SEMA6A: variants seen among roughly 807,000 people sequenced by gnomAD.
SEMA6A encodes semaphorin 6A.
In SEMA6A, 25 loss-of-function variants were observed where a neutral mutation model predicts 96.8. That is an observed-to-expected ratio of 0.26 (90% CI 0.19 to 0.36). The LOEUF is 0.36. SEMA6A is among the 10% of genes least tolerant of loss of function. The pLI is 1.00. For missense variants in SEMA6A, 1,363 were observed against 1,323.1 expected (o/e 1.03, Z -0.47); for synonymous variants, 612 against 518.0 (o/e 1.18, Z -2.46).
chr5:116,483,127 G>A (rs762618435), intron 10 of SEMA6A, among the ~76,000 whole-genome samples: 28 of 152,068 alleles, frequency 1.8e-4, no homozygotes, highest in Non-Finnish European at 1.6e-4. Flanking sequence ...GATTACTTAC[G>A]TAAGACTAAA....
chr5:116,556,010 T>C (rs1168213503), intron 1 of SEMA6A, among the ~76,000 whole-genome samples: 1 of 151,658 alleles, frequency 6.6e-6, no homozygotes, highest in Admixed American at 6.6e-5. Flanking sequence ...GACCTCGGAG[T>C]TTCTTCCTCT....
rs778651788 is a variant in SEMA6A, at chr5:116,446,627, C to T, written c.3079G>A (p.Asp1027Asn). The T allele has an allele frequency of 6.6e-7, 1 of 1,509,260 alleles. No individual in the cohort carries two copies. Among genetic ancestry groups the T allele is most frequent in the Admixed American group, 2.2e-5 (1 of 44,684 alleles). 93.5% of individuals were successfully genotyped at this position (1,509,260 alleles called of 1,614,324 possible). ...APLSTSMKPN[D>N]ACT is the part of the protein sequence containing the mutation. The stretch of plus-strand genomic sequence containing the variant: ...TCCCCCTGGGATTATGTACACGCAT[C>T]ATTGGGCTTCATGGATGTGGAAAGG... The change falls in exon 19 of 19, where the codon GAT (aspartate) becomes AAT (asparagine). Residue 1027 changes from aspartate (D) to asparagine (N), a missense_variant. Physicochemically the swap from Asp to Asn is conservative, Grantham distance 23. Around this residue, in one of 2 missense-constraint regions of SEMA6A, gnomAD observed 883 missense variants for 763.6 expected, o/e 1.16. Transcript: ENST00000343348.
At chr5:116,557,402 G>A (rs10073289) in intron 1 of SEMA6A, among the ~76,000 whole-genome samples, 29,232 of 152,170 alleles carry the variant, frequency 0.19, 2,972 homozygotes, top group African/African-American at 0.24. Context: ...AGTAGAGACG[G>A]GGTTTTGCCA....
Position 116,446,679 on chromosome 5 carries a change from G to A in SEMA6A, c.3027C>T (p.Asp1009=), listed in dbSNP as rs371836193. The part of the protein sequence containing the change: ...GLKRTPSLKP[D]VPPKPSFAPL... The stretch of plus-strand genomic sequence containing the variant: ...GAGCAAAGGATGGTTTGGGGGGTAC[G>A]TCCGGCTTTAGCGAGGGCGTACGCT... Residue 1009 remains aspartate, a synonymous_variant, in exon 19 of 19, where the codon GAC becomes GAT. Transcript: ENST00000343348. The A allele has an allele frequency of 1.9e-6, 3 of 1,564,294 alleles. No homozygotes were observed. Among genetic ancestry groups the A allele is most frequent in the African/African-American group, 1.3e-5 (1 of 74,084 alleles).
At chr5:116,511,545 AACTGC>A (rs1202843093) in intron 1 of SEMA6A, among the ~76,000 whole-genome samples, 1 of 152,074 alleles carries the variant, frequency 6.6e-6, no homozygotes, top group Non-Finnish European at 1.5e-5. Flanking sequence ...CATAAAAGGA[AACTGC>A]ACTTAAGTTC....
At chr5:116,459,139 G>A (rs892382457) in intron 18 of SEMA6A, among the ~76,000 whole-genome samples, 3 of 152,112 alleles carry the variant, frequency 2.0e-5, no homozygotes, top group Non-Finnish European at 4.4e-5. Context: ...ACTAAAGAGA[G>A]GAAGAAGTCC....
intron 1 of SEMA6A, among the ~76,000 whole-genome samples, chr5:116,569,622 G>A (rs1761130213): frequency 6.6e-6 from 1 of 152,196 alleles, no homozygotes; most frequent in Non-Finnish European, 1.5e-5. Flanking sequence ...GAGGACCATG[G>A]CTTGGCCAAT....
In SEMA6A at chr5:116,502,308, C is replaced by T. The variant is rs111683037; in HGVS notation, c.120G>A (p.Val40=). ...SHGNYTKQYP[V]FVGHKPGRNT... is the part of the protein sequence containing the mutation. Reference sequence around the variant, plus strand: ...TCCGTCCTGGCTTGTGGCCCACAAACACCGGATACTGTTTTGTATCTGTGA... The same window carrying T: ...TCCGTCCTGGCTTGTGGCCCACAAATACCGGATACTGTTTTGTATCTGTGA... Residue 40 remains valine, a synonymous_variant, in exon 3 of 19, where the codon GTG becomes GTA. Coordinates refer to ENST00000343348, the MANE Select transcript of SEMA6A (RefSeq NM_020796.5). 1.2e-6 allele frequency: 2 copies of T among 1,613,750 alleles called. No individual in the cohort carries two copies. Among genetic ancestry groups the T allele is most frequent in the African/African-American group, 1.3e-5 (1 of 74,896 alleles).
chr5:116,460,289 C>T (rs1017372837), intron 18 of SEMA6A, among the ~76,000 whole-genome samples: 1 of 152,120 alleles, frequency 6.6e-6, no homozygotes, highest in African/African-American at 2.4e-5. Flanking sequence ...TACTCTTTAT[C>T]ACATTTCAAA....
At chr5:116,529,596 A>T (rs564986486) in intron 1 of SEMA6A, among the ~76,000 whole-genome samples, 5 of 152,208 alleles carry the variant, frequency 3.3e-5, no homozygotes, top group Non-Finnish European at 7.3e-5. Context: ...AGAACATCAG[A>T]AGCAGGATTA....
At chr5:116,523,089 A>G (rs77523855) in intron 1 of SEMA6A, among the ~76,000 whole-genome samples, 6,326 of 152,230 alleles carry the variant, frequency 0.042, 478 homozygotes, top group African/African-American at 0.14. Flanking sequence ...CTTTCTGGGA[A>G]CTGAGCTGCA....
intron 6 of SEMA6A, among the ~76,000 whole-genome samples, chr5:116,494,121 T>TAGG (rs1721415131): frequency 6.6e-6 from 1 of 152,230 alleles, no homozygotes; most frequent in Admixed American, 6.5e-5. Flanking sequence ...TGGTTTTATC[T>TAGG]ATTCTCTTCC....
At chr5:116,467,459 T>C in intron 18 of SEMA6A, 124 bp downstream of exon 18, 1 of 931,890 alleles carries the variant, frequency 1.1e-6, no homozygotes, top group Non-Finnish European at 1.6e-6. Context: ...TTCGAGAAAC[T>C]TTCAATCATA....
chr5:116,529,864 T>C (rs74520524), intron 1 of SEMA6A, among the ~76,000 whole-genome samples: 4,552 of 151,920 alleles, frequency 0.03, 89 homozygotes, highest in Non-Finnish European at 0.046. Flanking sequence ...GGAAGGAGCA[T>C]AGGTTGGAAG....
At chr5:116,550,504 A>G (rs1018166974) in intron 1 of SEMA6A, 1 of 152,200 alleles carries the variant, frequency 6.6e-6, no homozygotes, top group African/African-American at 2.4e-5. Context: ...TACTGAACCA[A>G]TGAGAAGGCA....
chr5:116,572,360 C>A (rs1048207940), intron 1 of SEMA6A, among the ~76,000 whole-genome samples: 1 of 152,216 alleles, frequency 6.6e-6, no homozygotes, highest in East Asian at 1.9e-4. Flanking sequence ...TCCAAAGCAG[C>A]CACCTTTCTC....
Position 116,488,112 on chromosome 5 carries a change from C to T in SEMA6A, c.740G>A (p.Gly247Glu), listed in dbSNP as rs759388280. Residue 247 changes from glycine (G) to glutamate (E), a missense_variant, in exon 9 of 19, where the codon GGA becomes GAA. Physicochemically the swap from Gly to Glu is moderately conservative, Grantham distance 98. This residue lies in a region of SEMA6A where 480 missense variants were observed against 559.5 expected (regional missense o/e 0.86). Transcript: ENST00000343348. ...AAGGACAGCATCCCCTCTTACCTTT[C>T]CCATGGTGTTATACTCCACTGCTAT... ...REIAVEYNTM[G>E]KVVFPRVAQV... 6.2e-7 allele frequency: 1 copy of T among 1,600,300 alleles called. No homozygotes were observed. The highest frequency in any genetic ancestry group is 2.2e-5 in the East Asian group (1 of 44,688).
At chr5:116,573,384 G>C (rs552976580) in intron 1 of SEMA6A, among the ~76,000 whole-genome samples, 1 of 152,038 alleles carries the variant, frequency 6.6e-6, no homozygotes, top group African/African-American at 2.4e-5. Context: ...AAAGGGCTCG[G>C]TGCTTCAGGA....
At chr5:116,486,317 A>C (rs1054959961) in intron 10 of SEMA6A, among the ~76,000 whole-genome samples, 1 of 152,240 alleles carries the variant, frequency 6.6e-6, no homozygotes, top group Non-Finnish European at 1.5e-5. Context: ...GCAAATTATT[A>C]GATGACCTAG....
Sources: gnomAD v4.1 joint callset for allele counts (sites outside exome capture counted in the v4.1 genomes callset) on GRCh38, gnomAD v4.1.1 for gene constraint, gnomAD v4.1.1 regional missense constraint, MANE v1.5 for transcripts, NCBI Gene and HGNC (gene_info 2026-07-23, HGNC 2026-07-21) for gene names.